FILIP1L: variants seen among roughly 807,000 people sequenced by gnomAD.
FILIP1L encodes the protein filamin A-interacting protein 1-like.
A neutral mutation model predicts 96.6 loss-of-function variants in FILIP1L; 55 were observed. The ratio of observed to expected loss-of-function variants is 0.57; its 90% CI spans 0.46 to 0.71. FILIP1L has a LOEUF of 0.71. Among genes scored for constraint, FILIP1L ranks in the 30% least tolerant of loss-of-function variants. The pLI is 0.00. For missense variants in FILIP1L, 1,304 were observed against 1,321.2 expected (o/e 0.99, Z 0.20); for synonymous variants, 467 against 473.9 (o/e 0.99, Z 0.19).
chr3:100,001,036 A>G (rs893482958), intron 1 of FILIP1L, among the ~76,000 whole-genome samples: 1 of 152,158 alleles, frequency 6.6e-6, no homozygotes, highest in Non-Finnish European at 1.5e-5. Flanking sequence ...GAATTGTTCT[A>G]TATTTCACAC....
chr3:99,898,494 C>T (rs910768117), intron 4 of FILIP1L: 4 of 152,246 alleles, frequency 2.6e-5, no homozygotes, highest in Admixed American at 1.3e-4. Context: ...AAGTCAAGCG[C>T]GTTGGCTCAT....
At chr3:100,094,293 GTTAAGTT>G (rs2066163318) in intron 1 of FILIP1L, among the ~76,000 whole-genome samples, 1 of 151,948 alleles carries the variant, frequency 6.6e-6, no homozygotes, top group Non-Finnish European at 1.5e-5. Context: ...GTTCTTTATT[GTTAAGTT>G]TTAAGAGTTC....
chr3:99,967,771 G>A (rs1708696713), intron 1 of FILIP1L, among the ~76,000 whole-genome samples: 1 of 152,128 alleles, frequency 6.6e-6, no homozygotes, highest in Non-Finnish European at 1.5e-5. Context: ...TGTTTTATCT[G>A]TTTATTTCAC....
intron 4 of FILIP1L, among the ~76,000 whole-genome samples, chr3:99,885,488 T>C (rs1057374838): frequency 2.6e-5 from 4 of 152,174 alleles, no homozygotes; most frequent in African/African-American, 7.2e-5. Flanking sequence ...TGGCAAAAAA[T>C]AAAATTTCTT....
intron 1 of FILIP1L, among the ~76,000 whole-genome samples, chr3:99,934,907 A>G (rs1312961732): frequency 6.6e-6 from 1 of 152,234 alleles, no homozygotes; most frequent in East Asian, 1.9e-4. Flanking sequence ...GGCTGGGGAT[A>G]GTAGCATCAA....
At chr3:99,940,320 T>A (rs2107675487) in intron 1 of FILIP1L, among the ~76,000 whole-genome samples, 1 of 152,306 alleles carries the variant, frequency 6.6e-6, no homozygotes, top group East Asian at 1.9e-4. Flanking sequence ...CTCTTGAAAA[T>A]CATATGATTC....
chr3:99,924,208 T>C (rs1476097022), intron 4 of FILIP1L, 22 bp downstream of exon 4: 3 of 1,606,486 alleles, frequency 1.9e-6, no homozygotes, highest in African/African-American at 1.3e-5. Flanking sequence ...AATGGGACAT[T>C]GTTTGCCCAA....
At chr3:99,916,435 TATACAC>T (rs1447461120) in intron 4 of FILIP1L, among the ~76,000 whole-genome samples, 11 of 120,210 alleles carry the variant, frequency 9.2e-5, no homozygotes, top group African/African-American at 3.5e-4. Context: ...AATAACGGTT[TATACAC>T]ACACACACAC....
At chr3:99,907,760 A>C (rs1207686213) in intron 4 of FILIP1L, among the ~76,000 whole-genome samples, 2 of 151,822 alleles carry the variant, frequency 1.3e-5, no homozygotes, top group East Asian at 3.9e-4. Flanking sequence ...TCCTTGTCTG[A>C]ACTATGTCTG....
In FILIP1L at chr3:99,877,428, G is replaced by A. The variant is rs182106272; in HGVS notation, c.606-26358C>T. Among the ~76,000 whole-genome samples the A allele has an allele frequency of 1.1e-4, 17 of 152,198 alleles. No individual in the cohort carries two copies. The East Asian group carries it at 3.3e-3, about 29-fold the overall frequency. On this transcript the variant is annotated intron_variant, in intron 4 of 5. Coordinates refer to ENST00000477258, the MANE Select transcript of FILIP1L (RefSeq NM_001387850.1). ...GGAAATGGTGTGGAATAAAGATGCAGGGCACAACATTAAATGTATGTCCTC... is the reference window on the plus strand; with the variant it reads ...GGAAATGGTGTGGAATAAAGATGCAAGGCACAACATTAAATGTATGTCCTC...
At chr3:99,897,387 G>C (rs1706292699) in intron 4 of FILIP1L, among the ~76,000 whole-genome samples, 1 of 151,872 alleles carries the variant, frequency 6.6e-6, no homozygotes, top group South Asian at 2.1e-4. Context: ...AAAAAAGTTG[G>C]CTTACTTGTT....
intron 4 of FILIP1L, among the ~76,000 whole-genome samples, chr3:99,872,322 T>TGTGTGTGTGA (rs1491147270): frequency 3.5e-5 from 5 of 141,234 alleles, no homozygotes; most frequent in Admixed American, 1.4e-4. Context: ...TGTGTGTGTG[T>TGTGTGTGTGA]GACTGTGGGG....
At chr3:99,947,171 C>T (rs1465336675) in intron 1 of FILIP1L, among the ~76,000 whole-genome samples, 2 of 147,566 alleles carry the variant, frequency 1.4e-5, no homozygotes, top group Non-Finnish European at 3.0e-5. Context: ...ATAATATATT[C>T]AGCACTGAAA....
Position 99,849,547 on chromosome 3 carries a change from GCTT to G in FILIP1L, c.2126_2128del (p.Glu709del), listed in dbSNP as rs749900665. On this transcript the variant is annotated inframe_deletion, in exon 5 of 6. Coordinates refer to ENST00000477258, the MANE Select transcript of FILIP1L (RefSeq NM_001387850.1). ...TTCTCTTGAGAGGTGCCCTGACTTAGCTTCTTCTTCTTGAAGCCTTTTGAAAAG... is the reference window on the plus strand; with the variant it reads ...TTCTCTTGAGAGGTGCCCTGACTTAGCTTCTTCTTGAAGCCTTTTGAAAAG... The G allele has an allele frequency of 1.1e-5, 17 of 1,613,184 alleles. No individual in the cohort carries two copies. In the East Asian group the frequency reaches 1.6e-4, roughly 15 times the overall value.
intron 1 of FILIP1L, chr3:100,110,098 A>C (rs926374844): frequency 6.6e-6 from 1 of 152,018 alleles, no homozygotes; most frequent in African/African-American, 2.4e-5. Flanking sequence ...GGAATATAAT[A>C]TTTTTACATT....
At chr3:99,933,303 T>G (rs1021656780) in intron 1 of FILIP1L, among the ~76,000 whole-genome samples, 4 of 152,200 alleles carry the variant, frequency 2.6e-5, no homozygotes, top group Non-Finnish European at 5.9e-5. Flanking sequence ...CAATGATGTG[T>G]GACAGTAGTT....
In FILIP1L at chr3:100,028,893, A is replaced by G. The variant is rs570065679; in HGVS notation, c.-11+85160T>C. On this transcript the variant is annotated intron_variant, in intron 1 of 5. Coordinates refer to ENST00000477258, the MANE Select transcript of FILIP1L (RefSeq NM_001387850.1). ...ATACACCTTTTTACTGAGGTGTGTA[A>G]CACACACAAAGACACACACACACAT... 1.0e-3 allele frequency among the ~76,000 whole-genome samples: 155 copies of G among 152,330 alleles called. 1 individual carries two copies. The highest frequency in any genetic ancestry group is 2.6e-3 in the Admixed American group (39 of 15,288).
intron 1 of FILIP1L, among the ~76,000 whole-genome samples, chr3:100,106,625 G>A (rs186238311): frequency 6.6e-6 from 1 of 152,254 alleles, no homozygotes; most frequent in East Asian, 1.9e-4. Flanking sequence ...GTGTTTCCCT[G>A]GTAAGGGCTG....
intron 1 of FILIP1L, among the ~76,000 whole-genome samples, chr3:100,018,384 A>G (rs1040657977): frequency 2.0e-5 from 3 of 152,026 alleles, no homozygotes; most frequent in African/African-American, 4.8e-5. Flanking sequence ...GAGAAATTAA[A>G]CTGCAGTGTT....
Sources: gnomAD v4.1 joint callset for allele counts (sites outside exome capture counted in the v4.1 genomes callset) on GRCh38, gnomAD v4.1.1 for gene constraint, MANE v1.5 for transcripts, NCBI Gene and HGNC (gene_info 2026-07-23, HGNC 2026-07-21) for gene names.